Variants in SBF2 observed in about 807,000 individuals in gnomAD.
SBF2 encodes the protein SET binding factor 2, also known as myotubularin-related protein 13.
SBF2 carries 112 observed loss-of-function variants against 225.2 expected under a neutral mutation model. That is an observed-to-expected ratio of 0.50 (90% CI 0.43 to 0.58). The LOEUF is 0.58. Among genes scored for constraint, SBF2 ranks in the 20% least tolerant of loss-of-function variants. The pLI is 0.00. For synonymous variants in SBF2, 763 were observed against 773.3 expected, an observed-to-expected ratio of 0.99 and a Z score of 0.22; for missense variants, 1,996 against 2,206.2, an observed-to-expected ratio of 0.90 and a Z score of 1.91.
intron 1 of SBF2, among the ~76,000 whole-genome samples, chr11:10,237,531 A>G (rs1959121863): frequency 6.6e-6 from 1 of 152,260 alleles, no homozygotes; most frequent in South Asian, 2.1e-4. Context: ...AAGGTGATAC[A>G]GAATTACTAA....
chr11:10,029,686 C>T, intron 5 of SBF2, 79 bp downstream of exon 5: 1 of 991,222 alleles, frequency 1.0e-6, no homozygotes, highest in South Asian at 1.3e-5. Flanking sequence ...ATTTCTTTCC[C>T]TTTCTCCATA....
Position 9,856,614 on chromosome 11 carries a change from ACT to A in SBF2, c.2205_2206del (p.Val736AlafsTer3). 6.2e-7 allele frequency: 1 copy of A among 1,614,144 alleles called. No homozygotes were observed. The highest frequency in any genetic ancestry group is 8.5e-7 in the Non-Finnish European group (1 of 1,180,020). On this transcript the variant is annotated frameshift_variant, in exon 19 of 40. Transcript: ENST00000256190. LOFTEE classifies it high-confidence loss of function. ...AAAGACAGTGCTTTCCTCATGTTGC[ACT>A]AGCTCTTGCTGAGTTGACTTGCTCA...
chr11:10,279,208 T>TAAC (rs1963219162), intron 1 of SBF2, among the ~76,000 whole-genome samples: 1 of 151,234 alleles, frequency 6.6e-6, no homozygotes, highest in Non-Finnish European at 1.5e-5. Context: ...TGTCAGGAGT[T>TAAC]TAAGACCAAC....
chr11:10,180,343 T>C (rs1466135355), intron 2 of SBF2, among the ~76,000 whole-genome samples: 2 of 152,142 alleles, frequency 1.3e-5, no homozygotes, highest in Admixed American at 1.3e-4. Context: ...TTGCTAGATA[T>C]ACTATGCTAG....
intron 33 of SBF2, among the ~76,000 whole-genome samples, chr11:9,792,207 G>A (rs1043261128): frequency 3.3e-5 from 5 of 152,072 alleles, no homozygotes; most frequent in Non-Finnish European, 5.9e-5. Flanking sequence ...TGACGTGGGC[G>A]GATCACTTGA....
intron 2 of SBF2, among the ~76,000 whole-genome samples, chr11:10,166,996 C>T (rs1012101761): frequency 8.6e-5 from 13 of 150,396 alleles, no homozygotes; most frequent in African/African-American, 3.0e-4. Flanking sequence ...CACAAAAAGG[C>T]TACTAATTGA....
chr11:10,005,032 C>G (rs773205742), intron 6 of SBF2, among the ~76,000 whole-genome samples: 1 of 152,160 alleles, frequency 6.6e-6, no homozygotes, highest in African/African-American at 2.4e-5. Flanking sequence ...GAATGTCAGG[C>G]AACCATCAGG....
intron 2 of SBF2, among the ~76,000 whole-genome samples, chr11:10,112,520 T>C (rs912401968): frequency 8.5e-5 from 13 of 152,220 alleles, no homozygotes; most frequent in Non-Finnish European, 1.9e-4. Flanking sequence ...TCCATTAAAC[T>C]TCTTTCTGGT....
rs267603259 is a variant in SBF2, at chr11:9,856,627, G to A, written c.2194C>T (p.Gln732Ter). Residue 732 changes from glutamine to a stop codon, truncating the protein, a stop_gained, in exon 19 of 40, where the codon CAG becomes TAG. Transcript: ENST00000256190. LOFTEE classifies it high-confidence loss of function. ...TCCTCATGTTGCACTAGCTCTTGCT[G>A]AGTTGACTTGCTCAGGGTAGGCCAA... Reference protein sequence around the residue: ...RLWPTLSKSTQQELVQHEEST... With the variant: ...RLWPTLSKST The A allele has an allele frequency of 6.2e-7, 1 of 1,614,182 alleles. No individual in the cohort carries two copies. Among genetic ancestry groups the A allele is most frequent in the Non-Finnish European group, 8.5e-7 (1 of 1,180,022 alleles).
intron 17 of SBF2, among the ~76,000 whole-genome samples, chr11:9,884,673 C>T (rs1437887258): frequency 6.6e-6 from 1 of 152,138 alleles, no homozygotes; most frequent in East Asian, 1.9e-4. Context: ...AATACTCATG[C>T]TGACTAGAAC....
At chr11:9,875,660 G>A (rs1859167464) in intron 17 of SBF2, among the ~76,000 whole-genome samples, 2 of 152,216 alleles carry the variant, frequency 1.3e-5, no homozygotes, top group Admixed American at 1.3e-4. Flanking sequence ...GGCAGGGTCA[G>A]CCATATATCT....
At chr11:9,830,065 A>G (rs1028269983) in intron 27 of SBF2, among the ~76,000 whole-genome samples, 8 of 152,238 alleles carry the variant, frequency 5.3e-5, no homozygotes, top group Admixed American at 2.0e-4. Context: ...AGGAGCAACT[A>G]CTGCCAATCC....
intron 38 of SBF2, among the ~76,000 whole-genome samples, chr11:9,783,832 C>T (rs1458957231): frequency 1.3e-5 from 2 of 152,160 alleles, no homozygotes; most frequent in Non-Finnish European, 2.9e-5. Context: ...GTAACAGTGC[C>T]TCCTTTAGTA....
intron 16 of SBF2, among the ~76,000 whole-genome samples, chr11:9,930,352 G>A (rs1864398428): frequency 6.6e-6 from 1 of 151,986 alleles, no homozygotes; most frequent in Non-Finnish European, 1.5e-5. Flanking sequence ...CTGAGTAAAA[G>A]AAGCCAGACC....
At chr11:9,838,791 T>C (rs1417256336) in intron 26 of SBF2, 3 of 152,176 alleles carry the variant, frequency 2.0e-5, no homozygotes, top group Non-Finnish European at 2.9e-5. Context: ...ACTAAACTTG[T>C]GGATGGTGAA....
chr11:9,993,674 A>G (rs1947540648), intron 10 of SBF2, among the ~76,000 whole-genome samples: 1 of 152,276 alleles, frequency 6.6e-6, no homozygotes, highest in Non-Finnish European at 1.5e-5. Flanking sequence ...TCTGTCCTAC[A>G]CTTAACTCAT....
chr11:10,248,339 TATGCA>T (rs1661049251), intron 1 of SBF2, among the ~76,000 whole-genome samples: 1 of 152,214 alleles, frequency 6.6e-6, no homozygotes, highest in African/African-American at 2.4e-5. Flanking sequence ...AAAGGGAATT[TATGCA>T]AGAAATGCAG....
At position 10,125,010 on chromosome 11, in the gene SBF2, C is replaced by A. The variant is rs1291748401; in HGVS notation, c.141+68892G>T. On this transcript the variant is annotated intron_variant, in intron 2 of 39. Transcript: ENST00000256190. ...ATCCCAGCTACTCAGGAGGCTGAGG[C>A]AGGAGGAGAATTGCTTGAACCCGGG... is the stretch of plus-strand genomic sequence containing the variant. 2.7e-5 allele frequency among the ~76,000 whole-genome samples: 4 copies of A among 149,284 alleles called. No individual in the cohort carries two copies. The Admixed American group carries it at 2.7e-4, about 10-fold the overall frequency.
intron 2 of SBF2, among the ~76,000 whole-genome samples, chr11:10,137,988 A>C (rs1954463780): frequency 6.6e-6 from 1 of 151,238 alleles, no homozygotes; most frequent in African/African-American, 2.4e-5. Flanking sequence ...AGACAGAGTA[A>C]GACTCCATCT....
Sources: gnomAD v4.1 joint callset for allele counts (sites outside exome capture counted in the v4.1 genomes callset) on GRCh38, gnomAD v4.1.1 for gene constraint, MANE v1.5 for transcripts, NCBI Gene and HGNC (gene_info 2026-07-23, HGNC 2026-07-21) for gene names.